DGKK: variants seen among roughly 807,000 people sequenced by gnomAD.
The protein encoded by DGKK is diacylglycerol kinase kappa, also known as 142 kDa diacylglycerol kinase.
DGKK carries 35 observed loss-of-function variants against 92.2 expected under a neutral mutation model. The observed-to-expected ratio is 0.38, with a 90% CI of 0.29 to 0.50. The LOEUF (loss-of-function observed/expected upper bound fraction) is 0.50, where lower values mean the gene tolerates loss of function less well. Ranked by LOEUF, DGKK falls within the 20% of genes least tolerant of loss-of-function variation. DGKK has a pLI of 0.92. For synonymous variants in DGKK, 368 were observed against 360.6 expected (o/e 1.02, Z -0.23); for missense variants, 910 against 992.2 (o/e 0.92, Z 1.11).
intron 1 of DGKK, among the ~76,000 whole-genome samples, chrX:50,466,094 G>C (rs1440388286): frequency 1.1e-5 from 1 of 89,866 alleles, no homozygotes; most frequent in Non-Finnish European, 2.1e-5. Context: ...AGAAGCCCTA[G>C]TCGGAGATTT....
intron 1 of DGKK, among the ~76,000 whole-genome samples, chrX:50,458,187 T>A (rs1343882058): frequency 9.0e-6 from 1 of 111,482 alleles, no homozygotes; most frequent in Admixed American, 9.6e-5. Context: ...CAAACCCATT[T>A]TAGCATAGAA....
rs781878735 is a variant in DGKK, at chrX:50,422,496, G to C, written c.787C>G (p.Gln263Glu). 12 of 1,205,331 alleles carry C rather than the reference G, an allele frequency of 1.0e-5. No individual in the cohort carries two copies. The African/African-American group carries it at 1.6e-4, about 16-fold the overall frequency. ...CAGCTGCTTTCTGCCACAGTGGCTT[G>C]AGACAGATCAATCGTTTCAAAGTGT... is the stretch of plus-strand genomic sequence containing the variant. ...FAHFETIDLS[Q>E]ATVAESSCRN... Residue 263 changes from glutamine (Q) to glutamate (E), a missense_variant, in exon 3 of 28, where the codon CAA becomes GAA. Transcript: ENST00000611977.
intron 4 of DGKK, among the ~76,000 whole-genome samples, chrX:50,413,655 TACCAC>T (rs1557228197): frequency 8.9e-6 from 1 of 112,063 alleles, no homozygotes; most frequent in African/African-American, 3.2e-5. Flanking sequence ...CACATTGAGA[TACCAC>T]ACCACACCTG....
At chrX:50,470,010 C>T in intron 1 of DGKK, 24 bp downstream of exon 1, 10 of 1,165,779 alleles carry the variant, frequency 8.6e-6, no homozygotes, top group Admixed American at 2.4e-5. Context: ...TTCTTTTCCC[C>T]GCTTCAGGGG....
rs782457665 is a variant in DGKK at position 50,424,350 on chromosome X, C to G, written c.654G>C (p.Leu218Phe). 6.6e-6 allele frequency: 8 copies of G among 1,205,297 alleles called. No individual in the cohort carries two copies. In the East Asian group the frequency reaches 2.4e-4, roughly 36 times the overall value. Residue 218 changes from leucine to phenylalanine, a missense_variant, in exon 2 of 28, where the codon TTG becomes TTC. Coordinates refer to ENST00000611977, the MANE Select transcript of DGKK (RefSeq NM_001013742.4). ...AGTTCTTCAGCATAGGTCCTTCCTT[C>G]AATATTTTCTGAAAGATAGAAGCAT... Reference protein sequence around the residue: ...PMSWSRIKKILKEGPMLKNCN... With the variant: ...PMSWSRIKKIFKEGPMLKNCN...
At chrX:50,404,925 A>T (rs1925111331) in intron 4 of DGKK, among the ~76,000 whole-genome samples, 1 of 110,935 alleles carries the variant, frequency 9.0e-6, no homozygotes, top group Admixed American at 9.5e-5. Context: ...GCATTGCTTT[A>T]CCTGGACGAC....
intron 25 of DGKK, among the ~76,000 whole-genome samples, chrX:50,374,085 T>C (rs1032874701): frequency 8.9e-6 from 1 of 111,937 alleles, no homozygotes; most frequent in Admixed American, 9.4e-5. Flanking sequence ...ATGGGTTGAA[T>C]TGTGTCCCCC....
At chrX:50,426,631 G>A (rs979654355) in intron 1 of DGKK, among the ~76,000 whole-genome samples, 1 of 111,353 alleles carries the variant, frequency 9.0e-6, no homozygotes, top group African/African-American at 3.3e-5. Context: ...CTACCACTCA[G>A]GGGGCCCTTA....
At chrX:50,469,375 C>T (rs989073733) in intron 1 of DGKK, among the ~76,000 whole-genome samples, 2 of 112,881 alleles carry the variant, frequency 1.8e-5, no homozygotes, top group African/African-American at 6.4e-5. Context: ...ATGGTGGCTT[C>T]GACACACGCA....
In DGKK at chrX:50,392,774, A is replaced by T. The variant is rs782040725; in HGVS notation, c.1596-325T>A. Among the ~76,000 whole-genome samples the T allele has an allele frequency of 5.3e-5, 6 of 112,927 alleles. No individual in the cohort carries two copies. The East Asian group carries it at 1.7e-3, about 32-fold the overall frequency. Reference sequence around the variant, plus strand: ...AGGACTGAGCAGCCAGATGGTCCCAAAATAAAACAGGTCTATAGAGGAGAT... The same window carrying T: ...AGGACTGAGCAGCCAGATGGTCCCATAATAAAACAGGTCTATAGAGGAGAT... On this transcript the variant is annotated intron_variant, in intron 9 of 27. Coordinates refer to ENST00000611977, the MANE Select transcript of DGKK (RefSeq NM_001013742.4).
intron 1 of DGKK, among the ~76,000 whole-genome samples, chrX:50,425,534 C>T (rs1258313009): frequency 9.2e-6 from 1 of 108,305 alleles, no homozygotes; most frequent in Non-Finnish European, 1.9e-5. Flanking sequence ...AATACACACA[C>T]ACACACATAC....
chrX:50,423,680 C>G (rs1925660317), intron 2 of DGKK, among the ~76,000 whole-genome samples: 2 of 111,398 alleles, frequency 1.8e-5, no homozygotes, highest in Non-Finnish European at 3.8e-5. Context: ...CTACTGAGAA[C>G]AAAATACTAC....
chrX:50,370,469 C>G lies in DGKK; in HGVS notation c.3693G>C (p.Glu1231Asp). ...FPKLGKKKVE[E>D]ERKPKSGQSV... is the part of the protein sequence containing the mutation. ...TCTGGCCTGATTTAGGCTTGCGTTCCTCTTCTACCTTTTTCTTTCCCAATT... is the reference window on the plus strand; with the variant it reads ...TCTGGCCTGATTTAGGCTTGCGTTCGTCTTCTACCTTTTTCTTTCCCAATT... Residue 1231 changes from glutamate (E) to aspartate (D), a missense_variant, in exon 27 of 28, where the codon GAG (glutamate) becomes GAC (aspartate). Coordinates refer to ENST00000611977, the MANE Select transcript of DGKK (RefSeq NM_001013742.4). The G allele has an allele frequency of 2.5e-6, 3 of 1,193,266 alleles. No individual in the cohort carries two copies. The highest frequency in any genetic ancestry group is 3.4e-6 in the Non-Finnish European group (3 of 885,575).
At chrX:50,404,236 T>G (rs1204471463) in intron 4 of DGKK, 52 bp from the exon 5 acceptor site, 1 of 1,153,028 alleles carries the variant, frequency 8.7e-7, no homozygotes, top group Non-Finnish European at 1.2e-6. Context: ...CAGAGACGGA[T>G]TAAAGAGGGC....
intron 1 of DGKK, among the ~76,000 whole-genome samples, chrX:50,425,526 T>TAC (rs1185619718): frequency 2.6e-4 from 28 of 106,996 alleles, no homozygotes; most frequent in African/African-American, 4.6e-4. Flanking sequence ...TTCTCCCAAA[T>TAC]ACACACACAC....
intron 1 of DGKK, among the ~76,000 whole-genome samples, chrX:50,464,433 A>G (rs1331935307): frequency 1.8e-5 from 2 of 110,167 alleles, no homozygotes; most frequent in Non-Finnish European, 3.8e-5. Context: ...TGGTATAGTC[A>G]GGGACCTATC....
At position 50,386,349 on chromosome X, in the gene DGKK, C is replaced by T; in HGVS notation, c.2347+9G>A. On this transcript the variant is annotated intron_variant, in intron 15 of 27. Coordinates refer to ENST00000611977, the MANE Select transcript of DGKK (RefSeq NM_001013742.4). ...CCTACCTCAGTCACTACAACCCTGG[C>T]CACCTTACCTTGTTCAACTTGAAAT... The T allele has an allele frequency of 8.4e-7, 1 of 1,194,827 alleles. No individual in the cohort carries two copies. The highest frequency in any genetic ancestry group is 1.1e-6 in the Non-Finnish European group (1 of 880,624).
intron 10 of DGKK, 35 bp downstream of exon 10, chrX:50,392,306 T>G: frequency 1.8e-6 from 2 of 1,101,256 alleles, no homozygotes; most frequent in Non-Finnish European, 2.5e-6. Flanking sequence ...CTACTCTTTC[T>G]AGCAATGGCT....
At chrX:50,424,098 G>A in intron 2 of DGKK, 150 bp downstream of exon 2, 1 of 408,835 alleles carries the variant, frequency 2.4e-6, no homozygotes, top group Non-Finnish European at 4.2e-6. Flanking sequence ...ATCCCCATTT[G>A]ACCCAAAAGG....
Sources: allele counts gnomAD v4.1 joint callset (sites outside exome capture counted in the v4.1 genomes callset), GRCh38; gene constraint gnomAD v4.1.1; transcripts MANE v1.5; gene names NCBI Gene and HGNC (gene_info 2026-07-23, HGNC 2026-07-21).